Variants in RYR3 observed in about 807,000 individuals in gnomAD.
RYR3 encodes the protein ryanodine receptor 3.
RYR3 carries 207 observed loss-of-function variants against 584.3 expected under a neutral mutation model. The observed-to-expected ratio is 0.35, with a 90% CI of 0.32 to 0.40. The LOEUF is 0.40. Ranked by LOEUF, RYR3 falls within the 10% of genes least tolerant of loss-of-function variation. The probability of loss-of-function intolerance (pLI) is 1.00; values close to 1 mark genes in which losing one functional copy is unlikely to be tolerated. For missense variants in RYR3, 5,616 were observed against 6,089.2 expected (o/e 0.92, Z 2.59); for synonymous variants, 2,416 against 2,248.5 (o/e 1.07, Z -2.11).
At chr15:33,859,451 G>A in intron 99 of RYR3, 124 bp from the exon 100 acceptor site, 2 of 998,548 alleles carry the variant, frequency 2.0e-6, no homozygotes, top group Non-Finnish European at 3.0e-6. Flanking sequence ...TGGCACCTCT[G>A]AAGAGTTCCC....
chr15:33,472,563 T>C lies in RYR3; in HGVS notation c.52-856T>C, dbSNP rs553582833. Among the ~76,000 whole-genome samples the C allele has an allele frequency of 2.6e-5, 4 of 152,174 alleles. No individual in the cohort carries two copies. In the East Asian group the frequency reaches 7.7e-4, roughly 29 times the overall value. ...GTTTGCTGCTTGAAATCCAAAGCTATGTGGTGGTGACTAGGGAGCATGGCC... is the reference window on the plus strand; with the variant it reads ...GTTTGCTGCTTGAAATCCAAAGCTACGTGGTGGTGACTAGGGAGCATGGCC... On this transcript the variant is annotated intron_variant, in intron 1 of 103. Coordinates refer to ENST00000634891, the MANE Select transcript of RYR3 (RefSeq NM_001036.6).
chr15:33,596,062 A>C (rs2059355465), intron 16 of RYR3, among the ~76,000 whole-genome samples: 1 of 133,398 alleles, frequency 7.5e-6, no homozygotes, highest in South Asian at 2.5e-4. Context: ...ATTTCTCTTT[A>C]AGTTTTTCAC....
chr15:33,843,707 A>C, intron 92 of RYR3, 133 bp downstream of exon 92: 2 of 636,694 alleles, frequency 3.1e-6, no homozygotes, highest in South Asian at 3.8e-5. Flanking sequence ...TTTCTAAGAC[A>C]TTGGCTTCTA....
At chr15:33,360,790 A>G (rs1974649801) in intron 1 of RYR3, among the ~76,000 whole-genome samples, 1 of 152,210 alleles carries the variant, frequency 6.6e-6, no homozygotes, top group African/African-American at 2.4e-5. Flanking sequence ...TGAGTTTTGC[A>G]TCTTTCATTG....
At chr15:33,439,289 A>G (rs1462729730) in intron 1 of RYR3, among the ~76,000 whole-genome samples, 1 of 152,182 alleles carries the variant, frequency 6.6e-6, no homozygotes, top group East Asian at 1.9e-4. Flanking sequence ...CCCATATTGC[A>G]CAGTACAATG....
At chr15:33,517,498 A>C (rs2053618912) in intron 3 of RYR3, among the ~76,000 whole-genome samples, 1 of 152,194 alleles carries the variant, frequency 6.6e-6, no homozygotes, top group African/African-American at 2.4e-5. Flanking sequence ...TATCATCTTA[A>C]ATTCGCATCT....
chr15:33,746,708 C>G (rs2070749032), intron 53 of RYR3, among the ~76,000 whole-genome samples: 1 of 151,606 alleles, frequency 6.6e-6, no homozygotes, highest in Non-Finnish European at 1.5e-5. Flanking sequence ...GAGCCAAGAT[C>G]ACGCCACTGC....
intron 85 of RYR3, among the ~76,000 whole-genome samples, chr15:33,830,031 G>T (rs1160246382): frequency 6.6e-6 from 1 of 152,224 alleles, no homozygotes; most frequent in Non-Finnish European, 1.5e-5. Flanking sequence ...TTGAGATGGA[G>T]TCTTCCTGGT....
chr15:33,857,804 GC>G lies in RYR3; in HGVS notation c.14034del (p.Val4679TrpfsTer29), dbSNP rs1166377490. 6.2e-7 allele frequency: 1 copy of G among 1,614,038 alleles called. No homozygotes were observed. Among genetic ancestry groups the G allele is most frequent in the Non-Finnish European group, 8.5e-7 (1 of 1,179,944 alleles). ...KQLVLTVGLL[A>X]VVVYLYTVVA... is the part of the protein sequence containing the mutation. ...GTTGGTTCTGACTGTCGGTCTCCTGGCCGTGGTGGTTTATCTCTATACTGTG... is the reference window on the plus strand; with the variant it reads ...GTTGGTTCTGACTGTCGGTCTCCTGGCGTGGTGGTTTATCTCTATACTGTG... On this transcript the variant is annotated frameshift_variant, in exon 99 of 104. Coordinates refer to ENST00000634891, the MANE Select transcript of RYR3 (RefSeq NM_001036.6). LOFTEE classifies it high-confidence loss of function.
At chr15:33,768,596 GA>G (rs1372566923) in intron 60 of RYR3, 61 bp from the exon 61 acceptor site, 19 of 1,397,232 alleles carry the variant, frequency 1.4e-5, no homozygotes, top group Non-Finnish European at 1.7e-5. Flanking sequence ...TGGGGTGGGG[GA>G]TACAAAGCGT....
intron 19 of RYR3, among the ~76,000 whole-genome samples, chr15:33,620,531 G>A (rs958515573): frequency 1.3e-5 from 2 of 152,104 alleles, no homozygotes; most frequent in African/African-American, 2.4e-5. Context: ...ATCTAACTGT[G>A]GGACCTCAAC....
At chr15:33,794,439 G>A (rs1406438582) in intron 67 of RYR3, among the ~76,000 whole-genome samples, 1 of 148,752 alleles carries the variant, frequency 6.7e-6, no homozygotes, top group Non-Finnish European at 1.5e-5. Flanking sequence ...TTTTTTGAGG[G>A]TCATCATTTT....
intron 18 of RYR3, among the ~76,000 whole-genome samples, chr15:33,606,386 T>C (rs759331015): frequency 6.6e-6 from 1 of 152,208 alleles, no homozygotes; most frequent in Non-Finnish European, 1.5e-5. Context: ...ACCATGAGAA[T>C]AGCCCAGTTA....
chr15:33,841,500 G>C (rs2078360561), intron 90 of RYR3, among the ~76,000 whole-genome samples: 1 of 152,128 alleles, frequency 6.6e-6, no homozygotes, highest in African/African-American at 2.4e-5. Flanking sequence ...TTATGTGTCA[G>C]GCCTGTGCTC....
At chr15:33,489,740 C>T (rs769090264) in intron 2 of RYR3, among the ~76,000 whole-genome samples, 25 of 152,170 alleles carry the variant, frequency 1.6e-4, no homozygotes, top group Admixed American at 8.5e-4. Context: ...ATTGCTGGGT[C>T]GAATGGTGGT....
At chr15:33,480,154 A>G (rs1011112420) in intron 2 of RYR3, among the ~76,000 whole-genome samples, 4 of 152,186 alleles carry the variant, frequency 2.6e-5, no homozygotes, top group African/African-American at 7.2e-5. Flanking sequence ...GTCTGTGAGC[A>G]CTGACATCAA....
intron 23 of RYR3, 134 bp downstream of exon 23, chr15:33,631,427 T>G: frequency 1.7e-6 from 1 of 595,852 alleles, no homozygotes. Context: ...CCCTGTTTCC[T>G]AGATGACACT....
At chr15:33,580,310 C>T (rs919307104) in intron 13 of RYR3, among the ~76,000 whole-genome samples, 166 bp downstream of exon 13, 1 of 152,188 alleles carries the variant, frequency 6.6e-6, no homozygotes, top group Admixed American at 6.5e-5. Context: ...CCCTGTCCAC[C>T]AAACCTGGTT....
chr15:33,530,480 C>G (rs1247035163), intron 3 of RYR3, 112 bp from the exon 4 acceptor site: 1 of 736,480 alleles, frequency 1.4e-6, no homozygotes. Flanking sequence ...TCCTTAGGAG[C>G]TTTGCAATGG....
Sources: gnomAD v4.1 joint callset for allele counts (sites outside exome capture counted in the v4.1 genomes callset) on GRCh38, gnomAD v4.1.1 for gene constraint, MANE v1.5 for transcripts, NCBI Gene and HGNC (gene_info 2026-07-23, HGNC 2026-07-21) for gene names.